Variants in CFAP43 observed in about 807,000 individuals in gnomAD.
The protein encoded by CFAP43 is cilia- and flagella-associated protein 43.
CFAP43 carries 155 observed loss-of-function variants against 218.9 expected under a neutral mutation model. That is an observed-to-expected ratio of 0.71 (90% confidence interval 0.62 to 0.81). CFAP43 has a LOEUF of 0.81. Ranked by LOEUF, CFAP43 falls within the 30% of genes least tolerant of loss-of-function variation. The pLI, the probability that CFAP43 is intolerant of heterozygous loss-of-function variation, is 0.00. For synonymous variants in CFAP43, 645 were observed against 681.3 expected, an observed-to-expected ratio of 0.95 and a Z score of 0.83; for missense variants, 1,778 against 1,954.3, an observed-to-expected ratio of 0.91 and a Z score of 1.70.
At chr10:104,137,899 C>T (rs1228009576) in intron 34 of CFAP43, among the ~76,000 whole-genome samples, 1 of 152,184 alleles carries the variant, frequency 6.6e-6, no homozygotes, top group African/African-American at 2.4e-5. Flanking sequence ...GACTTGCACA[C>T]TTTAAATGGT....
rs558699005 is a variant in CFAP43, at chr10:104,145,481, T to C, written c.3939A>G (p.Arg1313=). 9.4e-6 allele frequency: 15 copies of C among 1,591,496 alleles called. No homozygotes were observed. In the East Asian group the frequency reaches 3.1e-4, roughly 33 times the overall value. ...ATAGTGAAGGAGAAACAAACCTTGG[T>C]CGGCGTTTAAAAAGTTTGTAGAGTA... ...VDILYKLFKR[R]PRISKQKTHS... is the part of the protein sequence containing the mutation. Residue 1313 remains arginine (R), a synonymous_variant, in exon 31 of 38, where the codon CGA becomes CGG. Transcript: ENST00000357060.
At chr10:104,145,412 A>G in intron 31 of CFAP43, 64 bp downstream of exon 31, 1 of 1,063,246 alleles carries the variant, frequency 9.4e-7, no homozygotes, top group Admixed American at 2.0e-5. Flanking sequence ...GCTGAAATCT[A>G]GTAACACTCC....
At chr10:104,137,940 A>T (rs74491786) in intron 34 of CFAP43, among the ~76,000 whole-genome samples, 1 of 152,378 alleles carries the variant, frequency 6.6e-6, no homozygotes, top group East Asian at 1.9e-4. Flanking sequence ...TATGTGTATT[A>T]TACCACAATA....
chr10:104,192,142 A>C (rs1407816332), intron 12 of CFAP43, 57 bp downstream of exon 12: 2 of 1,330,018 alleles, frequency 1.5e-6, no homozygotes, highest in Non-Finnish European at 2.1e-6. Flanking sequence ...CATTTTCATA[A>C]CCTTAAATTC....
In CFAP43 at chr10:104,212,243, G is replaced by A. The variant is rs2090886646; in HGVS notation, c.585-86C>T. ...ACTGCATATCAGTTTAAGTGAGGTG[G>A]GGAGGTATTATAACTTGCAAAAATC... On this transcript the variant is annotated intron_variant, in intron 4 of 37. Transcript: ENST00000357060. The A allele has an allele frequency of 5.2e-6, 7 of 1,343,924 alleles. No individual in the cohort carries two copies. The South Asian group carries it at 8.5e-5, about 16-fold the overall frequency. 83.2% of individuals were successfully genotyped at this position (1,343,924 alleles called of 1,614,324 possible).
Position 104,192,298 on chromosome 10 carries a change from C to G in CFAP43, c.1447G>C (p.Asp483His), listed in dbSNP as rs1182601188. 6 of 1,609,802 alleles carry G rather than the reference C, an allele frequency of 3.7e-6. No homozygotes were observed. In the Admixed American group the frequency reaches 5.0e-5, roughly 13 times the overall value. ...SESSVQHVVY[D>H]QQGIFLLVGT... is the part of the protein sequence containing the mutation. Reference sequence around the variant, plus strand: ...ACTAACAGAAATATTCCTTGCTGATCATAACTAGAAAAGAAGAAATCTGAT... The same window carrying G: ...ACTAACAGAAATATTCCTTGCTGATGATAACTAGAAAAGAAGAAATCTGAT... Residue 483 changes from aspartate (D) to histidine (H), a missense_variant, in exon 12 of 38, where the codon GAT (aspartate) becomes CAT (histidine). Physicochemically the swap from Asp to His is moderately conservative, Grantham distance 81. Coordinates refer to ENST00000357060, the MANE Select transcript of CFAP43 (RefSeq NM_025145.7).
At chr10:104,183,023 G>C (rs908969188) in intron 16 of CFAP43, among the ~76,000 whole-genome samples, 3 of 152,136 alleles carry the variant, frequency 2.0e-5, no homozygotes, top group African/African-American at 7.2e-5. Context: ...TTGCACAGAA[G>C]AGCCAGTGCA....
chr10:104,155,442 G>A (rs1196748586), intron 27 of CFAP43, among the ~76,000 whole-genome samples: 2 of 152,174 alleles, frequency 1.3e-5, no homozygotes, highest in Non-Finnish European at 2.9e-5. Flanking sequence ...CCCTGAACTT[G>A]CCCTTCTAAT....
At chr10:104,185,833 G>C (rs2134890160) in intron 15 of CFAP43, 141 bp downstream of exon 15, 1 of 620,842 alleles carries the variant, frequency 1.6e-6, no homozygotes, top group African/African-American at 1.9e-5. Flanking sequence ...ACTTCCAATG[G>C]CAAGCAAGGT....
intron 35 of CFAP43, chr10:104,132,671 A>T (rs1589604649): frequency 1.0e-6 from 1 of 985,470 alleles, no homozygotes; most frequent in South Asian, 4.7e-5. Context: ...CCCTGTATTT[A>T]GCCATCAATA....
intron 12 of CFAP43, among the ~76,000 whole-genome samples, chr10:104,191,752 T>A (rs563280572): frequency 2.4e-3 from 349 of 143,144 alleles, no homozygotes; most frequent in South Asian, 3.5e-3. Context: ...AAAAAAAAAA[T>A]TTTTTTTAAG....
chr10:104,194,000 A>G lies in CFAP43; in HGVS notation c.1308T>C (p.Ala436=). 6 of 1,613,746 alleles carry G rather than the reference A, an allele frequency of 3.7e-6. No homozygotes were observed. The highest frequency in any genetic ancestry group is 5.1e-6 in the Non-Finnish European group (6 of 1,180,020). ...CTGCAGAGAGGGAGGATGGACAGCA[A>G]GCCAGAACCGTTGCCTGTTTAAAAT... ...IYLNTLATVL[A]CCPSSLSAAV... The change falls in exon 11 of 38, where the codon GCT becomes GCC. Residue 436 remains alanine, a synonymous_variant. Coordinates refer to ENST00000357060, the MANE Select transcript of CFAP43 (RefSeq NM_025145.7).
At chr10:104,223,407 T>A (rs1226917786) in intron 3 of CFAP43, among the ~76,000 whole-genome samples, 1 of 152,218 alleles carries the variant, frequency 6.6e-6, no homozygotes, top group African/African-American at 2.4e-5. Context: ...ATACTTTTAG[T>A]CAATGAATTA....
At chr10:104,198,325 C>T (rs2090435138) in intron 8 of CFAP43, among the ~76,000 whole-genome samples, 1 of 152,032 alleles carries the variant, frequency 6.6e-6, no homozygotes, top group African/African-American at 2.4e-5. Context: ...TATTGTTGCC[C>T]AGGTTGGAGT....
chr10:104,161,559 T>A (rs2088873985), intron 26 of CFAP43, among the ~76,000 whole-genome samples: 1 of 152,234 alleles, frequency 6.6e-6, no homozygotes, highest in Admixed American at 6.5e-5. Context: ...TACTTATTTT[T>A]ATTGATTTGT....
intron 27 of CFAP43, among the ~76,000 whole-genome samples, chr10:104,157,989 T>C (rs2088664037): frequency 6.6e-6 from 1 of 152,032 alleles, no homozygotes; most frequent in Admixed American, 6.6e-5. Context: ...TGAGGACACA[T>C]GAAAAGGACA....
intron 23 of CFAP43, among the ~76,000 whole-genome samples, chr10:104,165,252 G>A (rs2089094367): frequency 6.6e-6 from 1 of 152,170 alleles, no homozygotes; most frequent in South Asian, 2.1e-4. Context: ...GTTGCCATAG[G>A]AGTTTAGTCT....
chr10:104,145,866 A>G (rs1230697062), intron 30 of CFAP43, among the ~76,000 whole-genome samples: 2 of 152,176 alleles, frequency 1.3e-5, no homozygotes, highest in East Asian at 3.8e-4. Context: ...ATGTTACTCT[A>G]TTCTTTTCTT....
chr10:104,145,787 C>A (rs984990670), intron 30 of CFAP43, among the ~76,000 whole-genome samples: 1 of 152,166 alleles, frequency 6.6e-6, no homozygotes, highest in Admixed American at 6.5e-5. Context: ...TTTCATATAA[C>A]AGGTCTTAGA....
Sources: allele counts gnomAD v4.1 joint callset (sites outside exome capture counted in the v4.1 genomes callset), GRCh38; gene constraint gnomAD v4.1.1; transcripts MANE v1.5; gene names NCBI Gene and HGNC (gene_info 2026-07-23, HGNC 2026-07-21).